Variants in FANCL observed in about 807,000 individuals in gnomAD.
FANCL encodes the protein FA complementation group L.
FANCL carries 69 observed loss-of-function variants against 59.4 expected under a neutral mutation model. The ratio of observed to expected loss-of-function variants is 1.16; its 90% CI spans 0.96 to 1.42. The LOEUF is 1.42. FANCL is among the 40% of genes most tolerant of loss of function. The pLI, the probability that FANCL is intolerant of heterozygous loss-of-function variation, is 0.00. For synonymous variants in FANCL, 180 were observed against 147.1 expected, an observed-to-expected ratio of 1.22 and a Z score of -1.62; for missense variants, 519 against 447.2, an observed-to-expected ratio of 1.16 and a Z score of -1.45.
intron 7 of FANCL, among the ~76,000 whole-genome samples, chr2:58,193,669 G>C (rs1279130262): frequency 6.6e-6 from 1 of 152,010 alleles, no homozygotes; most frequent in Non-Finnish European, 1.5e-5. Flanking sequence ...ACTACTGTAA[G>C]TCCTCCAACA....
In FANCL at chr2:58,160,250, C is replaced by T. The variant is rs1312488494; in HGVS notation, c.1021-71G>A. The stretch of plus-strand genomic sequence containing the variant: ...ATTACAGATACTCCAAATGTCATTC[C>T]CTTTGTTTTTAAGTGCATTATGTTT... On this transcript the variant is annotated intron_variant, in intron 12 of 13. Transcript: ENST00000233741. The T allele has an allele frequency of 5.1e-5, 76 of 1,481,832 alleles. No homozygotes were observed. In the East Asian group the frequency reaches 1.5e-3, roughly 29 times the overall value. 91.8% of individuals were successfully genotyped at this position (1,481,832 alleles called of 1,614,324 possible).
intron 9 of FANCL, 75 bp downstream of exon 9, chr2:58,163,357 ATT>A: frequency 6.0e-6 from 6 of 992,244 alleles, no homozygotes; most frequent in South Asian, 5.4e-5. Context: ...ATATACTAAT[ATT>A]GTCTAATAAT....
At chr2:58,223,399 ATT>A (rs1419884380) in intron 4 of FANCL, among the ~76,000 whole-genome samples, 1 of 151,952 alleles carries the variant, frequency 6.6e-6, no homozygotes, top group African/African-American at 2.4e-5. Flanking sequence ...TTCTTTCAAG[ATT>A]TGTTTTTATT....
intron 4 of FANCL, 65 bp from the exon 5 acceptor site, chr2:58,222,107 T>C (rs757254495): frequency 2.6e-5 from 29 of 1,109,848 alleles, no homozygotes; most frequent in Admixed American, 1.2e-4. Flanking sequence ...TAATACCTGA[T>C]TGCAAAACAT....
chr2:58,198,978 G>A (rs1435402958), intron 6 of FANCL, among the ~76,000 whole-genome samples: 3 of 148,636 alleles, frequency 2.0e-5, no homozygotes, highest in East Asian at 2.0e-4. Context: ...GCAGTGAGCC[G>A]AGACTGCGCC....
At chr2:58,228,045 A>G (rs1208556841) in intron 3 of FANCL, among the ~76,000 whole-genome samples, 1 of 149,938 alleles carries the variant, frequency 6.7e-6, no homozygotes, top group Non-Finnish European at 1.5e-5. Flanking sequence ...GCAATAAATT[A>G]ACAATTATTA....
chr2:58,203,156 A>C (rs1407058029), intron 6 of FANCL, among the ~76,000 whole-genome samples: 1 of 151,882 alleles, frequency 6.6e-6, no homozygotes, highest in African/African-American at 2.4e-5. Context: ...AAGACTTATC[A>C]CATATGGATC....
intron 7 of FANCL, among the ~76,000 whole-genome samples, chr2:58,175,539 G>A (rs1434187575): frequency 6.6e-6 from 1 of 151,944 alleles, no homozygotes; most frequent in African/African-American, 2.4e-5. Flanking sequence ...AAAACCACAT[G>A]ATTATCTCAA....
rs559618633 is a variant in FANCL, at chr2:58,172,944, C to G, written c.541-7070G>C. Among the ~76,000 whole-genome samples the G allele has an allele frequency of 2.6e-5, 4 of 152,284 alleles. No individual in the cohort carries two copies. In the East Asian group the frequency reaches 5.8e-4, roughly 22 times the overall value. The stretch of plus-strand genomic sequence containing the variant: ...AACCAATACAGAGAAGTGCTTAAAG[C>G]AGCTGATGGAGCTGAAAGCCAAGAC... On this transcript the variant is annotated intron_variant, in intron 7 of 13. Transcript: ENST00000233741.
chr2:58,168,300 CG>C (rs1686167447), intron 7 of FANCL, among the ~76,000 whole-genome samples: 1 of 151,916 alleles, frequency 6.6e-6, no homozygotes, highest in Non-Finnish European at 1.5e-5. Context: ...CCACAGAGGG[CG>C]AGCCAAAGCA....
chr2:58,197,397 T>A (rs933933976), intron 7 of FANCL, among the ~76,000 whole-genome samples: 1 of 152,142 alleles, frequency 6.6e-6, no homozygotes, highest in Admixed American at 6.5e-5. Flanking sequence ...TTACGGAATA[T>A]TTGTAAAATG....
chr2:58,191,256 G>GA (rs1293568674), intron 7 of FANCL, among the ~76,000 whole-genome samples: 6 of 151,622 alleles, frequency 4.0e-5, no homozygotes, highest in Non-Finnish European at 8.9e-5. Flanking sequence ...CACTAATATT[G>GA]AAAAAAATAA....
At chr2:58,211,545 T>C (rs1691161715) in intron 5 of FANCL, among the ~76,000 whole-genome samples, 1 of 152,256 alleles carries the variant, frequency 6.6e-6, no homozygotes, top group Non-Finnish European at 1.5e-5. Context: ...TGCAGCTGGC[T>C]TGAATTTCTG....
Position 58,218,154 on chromosome 2 carries a change from C to T in FANCL, c.374+3788G>A, listed in dbSNP as rs190080326. Among the ~76,000 whole-genome samples, 344 of 151,766 alleles carry T rather than the reference C, an allele frequency of 2.3e-3. 1 individual carries two copies. Among genetic ancestry groups the T allele is most frequent in the African/African-American group, 4.7e-3 (195 of 41,368 alleles). On this transcript the variant is annotated intron_variant, in intron 5 of 13. Transcript: ENST00000233741. ...AATAGAAATATAACATCAAAACTTA[C>T]GGGATCAAGCTAAAATTGCTTACAA...
At chr2:58,165,296 T>G (rs965226463) in intron 8 of FANCL, among the ~76,000 whole-genome samples, 1 of 152,224 alleles carries the variant, frequency 6.6e-6, no homozygotes, top group African/African-American at 2.4e-5. Flanking sequence ...CATGGTCTAC[T>G]GCAAGTTCTT....
chr2:58,217,566 G>A (rs550195741), intron 5 of FANCL, among the ~76,000 whole-genome samples: 1 of 151,960 alleles, frequency 6.6e-6, no homozygotes, highest in Non-Finnish European at 1.5e-5. Context: ...TAACAAAGTA[G>A]ACATTAAGAC....
intron 5 of FANCL, among the ~76,000 whole-genome samples, chr2:58,216,284 A>T (rs1462357838): frequency 6.6e-6 from 1 of 152,204 alleles, no homozygotes; most frequent in East Asian, 1.9e-4. Context: ...ATCTGTTCCC[A>T]GTCTATCTTC....
chr2:58,192,629 A>G (rs905014779), intron 7 of FANCL, among the ~76,000 whole-genome samples: 1 of 151,964 alleles, frequency 6.6e-6, no homozygotes, highest in Non-Finnish European at 1.5e-5. Context: ...CAATATAGTT[A>G]TTTGGGGAAA....
chr2:58,161,489 GA>G, intron 12 of FANCL, 32 bp downstream of exon 12: 1 of 1,336,308 alleles, frequency 7.5e-7, no homozygotes, highest in Non-Finnish European at 1.1e-6. Flanking sequence ...TGTGTTAGCG[GA>G]AAAAAGTCTT....
Sources: gnomAD v4.1 joint callset for allele counts (sites outside exome capture counted in the v4.1 genomes callset) on GRCh38, gnomAD v4.1.1 for gene constraint, MANE v1.5 for transcripts, NCBI Gene and HGNC (gene_info 2026-07-23, HGNC 2026-07-21) for gene names.